NAA15: variants seen among roughly 807,000 people sequenced by gnomAD.
NAA15 encodes N-alpha-acetyltransferase 15, NatA auxiliary subunit, also known as N-terminal acetyltransferase.
A neutral mutation model predicts 114.0 loss-of-function variants in NAA15; 34 were observed. The ratio of observed to expected loss-of-function variants is 0.30; its 90% CI spans 0.23 to 0.40. NAA15 has a LOEUF of 0.40. Ranked by LOEUF, NAA15 falls within the 10% of genes least tolerant of loss-of-function variation. The pLI, the probability that NAA15 is intolerant of heterozygous loss-of-function variation, is 1.00. For synonymous variants in NAA15, 340 were observed against 338.0 expected, an observed-to-expected ratio of 1.01 and a Z score of -0.06; for missense variants, 658 against 1,004.5, an observed-to-expected ratio of 0.66 and a Z score of 4.66.
intron 1 of NAA15, among the ~76,000 whole-genome samples, chr4:139,320,299 T>A (rs1312777365): frequency 2.0e-5 from 3 of 152,306 alleles, no homozygotes; most frequent in Non-Finnish European, 4.4e-5. Flanking sequence ...GCAGTCCTAT[T>A]TGGGTCTATT....
At position 139,323,676 on chromosome 4, in the gene NAA15, A is replaced by G. The variant is rs1411111500; in HGVS notation, c.55-10498A>G. 3.3e-5 allele frequency among the ~76,000 whole-genome samples: 5 copies of G among 152,312 alleles called. No homozygotes were observed. The East Asian group carries it at 9.6e-4, about 29-fold the overall frequency. On this transcript the variant is annotated intron_variant, in intron 1 of 19. Coordinates refer to ENST00000296543, the MANE Select transcript of NAA15 (RefSeq NM_057175.5). ...ATTCTGCAGTCTGGAAGATGCTTCT[A>G]GAGACAAATAGGGATTTTTCTTGGG...
rs75738342 is a variant in NAA15, at chr4:139,390,714, T to A, written c.*2630T>A. On this transcript the variant is annotated 3_prime_UTR_variant, in exon 20 of 20. Coordinates refer to ENST00000296543, the MANE Select transcript of NAA15 (RefSeq NM_057175.5). ...AGTTTACTCAGCTTTAATTAGATAG[T>A]TGAGTCATATATTTTCAACATTTTT... 1,683 of 152,424 alleles carry A rather than the reference T, an allele frequency of 0.011. 16 individuals are homozygous for A. Among genetic ancestry groups the A allele is most frequent in the Non-Finnish European group, 0.017 (1,164 of 68,036 alleles). 9.4% of individuals were successfully genotyped at this position (152,424 alleles called of 1,614,324 possible). A position where few individuals can be genotyped will look rare whatever the true frequency, so the allele number is the denominator to read the frequency against.
At chr4:139,310,220 C>T (rs570123650) in intron 1 of NAA15, among the ~76,000 whole-genome samples, 24 of 152,002 alleles carry the variant, frequency 1.6e-4, no homozygotes, top group Non-Finnish European at 3.1e-4. Context: ...TTTGGGAGGC[C>T]GAGGCGGGCG....
rs948090730 is a variant in NAA15, at chr4:139,386,126, C to A, written c.2303-7C>A. The A allele has an allele frequency of 1.4e-5, 21 of 1,531,380 alleles. No individual in the cohort carries two copies. Among genetic ancestry groups the A allele is most frequent in the Non-Finnish European group, 1.8e-5 (20 of 1,122,556 alleles). 94.9% of individuals were successfully genotyped at this position (1,531,380 alleles called of 1,614,324 possible). On this transcript the variant is annotated splice_region_variant and splice_polypyrimidine_tract_variant and intron_variant, in intron 18 of 19. Transcript: ENST00000296543. ...TGAAATAAATTTCCTATTTCCCTCTCATTTAGCTGCCAAAATGGTATATTA... is the reference window on the plus strand; with the variant it reads ...TGAAATAAATTTCCTATTTCCCTCTAATTTAGCTGCCAAAATGGTATATTA...
intron 1 of NAA15, among the ~76,000 whole-genome samples, chr4:139,319,797 A>G (rs752860921): frequency 6.6e-6 from 1 of 152,226 alleles, no homozygotes; most frequent in Non-Finnish European, 1.5e-5. Flanking sequence ...GTTTCAGCTC[A>G]GCTGTGGTGC....
At chr4:139,303,071 T>A (rs1186433958) in intron 1 of NAA15, among the ~76,000 whole-genome samples, 1 of 152,234 alleles carries the variant, frequency 6.6e-6, no homozygotes, top group Non-Finnish European at 1.5e-5. Flanking sequence ...TGAATAATCA[T>A]CCATTTGAAC....
intron 17 of NAA15, among the ~76,000 whole-genome samples, chr4:139,383,014 G>T (rs773483577): frequency 2.6e-5 from 4 of 152,126 alleles, no homozygotes; most frequent in Admixed American, 2.0e-4. Flanking sequence ...GTTGCACACA[G>T]TAAGTGTTCT....
At chr4:139,378,909 G>A in intron 17 of NAA15, 55 bp downstream of exon 17, 3 of 1,072,844 alleles carry the variant, frequency 2.8e-6, no homozygotes, top group Middle Eastern at 2.0e-4. Context: ...GATGGTGACG[G>A]TATAAGTGGT....
chr4:139,322,131 G>T (rs1201092961), intron 1 of NAA15, among the ~76,000 whole-genome samples: 22 of 152,122 alleles, frequency 1.4e-4, no homozygotes, highest in Non-Finnish European at 2.1e-4. Context: ...ATATGGTTTG[G>T]CTGTGTCCCC....
At chr4:139,329,803 A>C (rs1236387467) in intron 1 of NAA15, among the ~76,000 whole-genome samples, 2 of 152,160 alleles carry the variant, frequency 1.3e-5, no homozygotes, top group Non-Finnish European at 2.9e-5. Context: ...TCTCTTTCTC[A>C]GGGTGGTTTC....
intron 14 of NAA15, among the ~76,000 whole-genome samples, chr4:139,365,870 A>C (rs1748265971): frequency 6.6e-6 from 1 of 152,146 alleles, no homozygotes; most frequent in Non-Finnish European, 1.5e-5. Context: ...GAAAGAGAGA[A>C]AAAATATAAG....
In NAA15 at chr4:139,348,796, T is replaced by C. The variant is rs532780826; in HGVS notation, c.692-666T>C. The stretch of plus-strand genomic sequence containing the variant: ...AAACAAAAGAGCCTAGGTTTTAAGA[T>C]TGATTTTTGATAATTGGGGCTGCTA... On this transcript the variant is annotated intron_variant, in intron 6 of 19. Coordinates refer to ENST00000296543, the MANE Select transcript of NAA15 (RefSeq NM_057175.5). Among the ~76,000 whole-genome samples, 45 of 152,274 alleles carry C rather than the reference T, an allele frequency of 3.0e-4. 1 individual carries two copies. The highest frequency in any genetic ancestry group is 8.9e-4 in the African/African-American group (37 of 41,552).
intron 11 of NAA15, among the ~76,000 whole-genome samples, chr4:139,359,502 A>G (rs1272492174): frequency 6.6e-6 from 1 of 152,242 alleles, no homozygotes; most frequent in Admixed American, 6.5e-5. Context: ...CGATATTAAC[A>G]GTAGACAAAA....
At chr4:139,385,283 A>ATT (rs1553999084) in intron 18 of NAA15, among the ~76,000 whole-genome samples, 3 of 100,490 alleles carry the variant, frequency 3.0e-5, no homozygotes, top group South Asian at 5.4e-4. Flanking sequence ...ATATATATAT[A>ATT]ATATATATAT....
chr4:139,378,966 C>T, intron 17 of NAA15, 112 bp downstream of exon 17: 1 of 640,854 alleles, frequency 1.6e-6, no homozygotes, highest in Non-Finnish European at 2.6e-6. Flanking sequence ...CTGTCACATA[C>T]TAAATTAGCT....
intron 14 of NAA15, among the ~76,000 whole-genome samples, chr4:139,366,881 T>A (rs1259756466): frequency 6.6e-6 from 1 of 152,184 alleles, no homozygotes; most frequent in Admixed American, 6.5e-5. Context: ...AGTGCTGGGA[T>A]TACAGGCATG....
intron 3 of NAA15, among the ~76,000 whole-genome samples, chr4:139,337,726 G>T (rs1312887935): frequency 6.6e-6 from 1 of 152,192 alleles, no homozygotes; most frequent in Non-Finnish European, 1.5e-5. Context: ...CAATTTTTCA[G>T]ATGTTTACCA....
In NAA15 at chr4:139,388,195, T is replaced by C; in HGVS notation, c.*111T>C. Reference sequence around the variant, plus strand: ...TTACACAGAATGAGAGGAGTAAATGTTCTTGCCTTCAAATAGTGTTTTACG... The same window carrying C: ...TTACACAGAATGAGAGGAGTAAATGCTCTTGCCTTCAAATAGTGTTTTACG... On this transcript the variant is annotated 3_prime_UTR_variant, in exon 20 of 20. Coordinates refer to ENST00000296543, the MANE Select transcript of NAA15 (RefSeq NM_057175.5). 1.2e-6 allele frequency: 1 copy of C among 831,038 alleles called. No individual in the cohort carries two copies. The highest frequency in any genetic ancestry group is 1.8e-6 in the Non-Finnish European group (1 of 542,128). The allele number at this position is 831,038 out of a possible 1,614,324, so 51.5% of individuals were successfully genotyped here.
At chr4:139,310,430 G>A (rs368336999) in intron 1 of NAA15, among the ~76,000 whole-genome samples, 1 of 148,874 alleles carries the variant, frequency 6.7e-6, no homozygotes, top group African/African-American at 2.5e-5. Flanking sequence ...CTCCAGCCTG[G>A]GCGACAGAGC....
Sources: gnomAD v4.1 joint callset for allele counts (sites outside exome capture counted in the v4.1 genomes callset) on GRCh38, gnomAD v4.1.1 for gene constraint, MANE v1.5 for transcripts, NCBI Gene and HGNC (gene_info 2026-07-23, HGNC 2026-07-21) for gene names.